GTF2H1: variants seen among roughly 807,000 people sequenced by gnomAD.
The protein encoded by GTF2H1 is BTF2 p62.
GTF2H1 carries 16 observed loss-of-function variants against 71.2 expected under a neutral mutation model. The ratio of observed to expected loss-of-function variants is 0.22; its 90% confidence interval spans 0.15 to 0.34. The LOEUF is 0.34. GTF2H1 is among the 10% of genes least tolerant of loss of function. The pLI, the probability that GTF2H1 is intolerant of heterozygous loss-of-function variation, is 1.00. For missense variants in GTF2H1, 498 were observed against 648.2 expected (o/e 0.77, Z 2.52); for synonymous variants, 215 against 219.0 (o/e 0.98, Z 0.16).
chr11:18,360,690 C>T lies in GTF2H1; in HGVS notation c.1543C>T (p.Gln515Ter). The T allele has an allele frequency of 6.4e-7, 1 of 1,557,274 alleles. No individual in the cohort carries two copies. The highest frequency in any genetic ancestry group is 8.7e-7 in the Non-Finnish European group (1 of 1,150,222). ...TCCATTCCAAGAAAAGATTCGGAGA[C>T]AGTATTTAAGCACAAATGTAAGGCA... ...LCPFQEKIRR[Q>*]YLSTNLVSHI... The change falls in exon 14 of 15, where the codon CAG becomes TAG. Residue 515 changes from glutamine to a stop codon, truncating the protein, a stop_gained. Transcript: ENST00000265963. LOFTEE classifies it high-confidence loss of function.
chr11:18,360,522 A>G, intron 13 of GTF2H1, 93 bp from the exon 14 acceptor site: 1 of 617,340 alleles, frequency 1.6e-6, no homozygotes, highest in African/African-American at 1.9e-5. Context: ...AAATTCTACA[A>G]GAAAAGTAAC....
At chr11:18,353,658 T>G (rs1240859564) in intron 11 of GTF2H1, among the ~76,000 whole-genome samples, 1 of 152,250 alleles carries the variant, frequency 6.6e-6, no homozygotes, top group Non-Finnish European at 1.5e-5. Context: ...TCCGTTTTTA[T>G]GAGCACTGAG....
intron 1 of GTF2H1, among the ~76,000 whole-genome samples, chr11:18,329,387 C>T (rs879676241): frequency 3.3e-5 from 5 of 152,204 alleles, no homozygotes; most frequent in Non-Finnish European, 7.3e-5. Context: ...CCACTGTGCT[C>T]ATGTCAGTAA....
At chr11:18,360,966 C>T (rs896655601) in intron 14 of GTF2H1, among the ~76,000 whole-genome samples, 1 of 151,852 alleles carries the variant, frequency 6.6e-6, no homozygotes, top group Admixed American at 6.6e-5. Context: ...CTGCCACGCC[C>T]AGCTAATTTT....
In GTF2H1 at chr11:18,347,868, C is replaced by T. The variant is rs1302344604; in HGVS notation, c.1002C>T (p.Asn334=). The T allele has an allele frequency of 1.2e-6, 2 of 1,613,378 alleles. No individual in the cohort carries two copies. The highest frequency in any genetic ancestry group is 3.3e-5 in the Admixed American group (2 of 59,800). Residue 334 remains asparagine, a synonymous_variant, in exon 9 of 15, where the codon AAC becomes AAT. Transcript: ENST00000265963. The part of the protein sequence containing the change: ...AQNEQTSEPS[N]MDGNSGDADC... ...ATGAACAAACTAGTGAGCCCAGCAA[C>T]ATGGATGGAAATTCCGGAGATGCAG...
Position 18,328,262 on chromosome 11 carries a change from G to A in GTF2H1, c.-15-4798G>A, listed in dbSNP as rs1345280752. 3.3e-5 allele frequency among the ~76,000 whole-genome samples: 5 copies of A among 149,556 alleles called. No homozygotes were observed. In the East Asian group the frequency reaches 7.9e-4, roughly 24 times the overall value. ...ACTGTGGCTAACGCCTGTAATCCCA[G>A]CACTTTGGGAGGCCGAGGCAGGTGG... On this transcript the variant is annotated intron_variant, in intron 1 of 14. Transcript: ENST00000265963.
intron 14 of GTF2H1, among the ~76,000 whole-genome samples, chr11:18,362,960 C>T (rs375297490): frequency 2.6e-5 from 4 of 152,016 alleles, no homozygotes; most frequent in South Asian, 2.1e-4. Context: ...TGAGCCACCA[C>T]GCCTGGTGCC....
chr11:18,339,689 A>G (rs1277510484), intron 5 of GTF2H1, 32 bp downstream of exon 5: 5 of 1,209,616 alleles, frequency 4.1e-6, no homozygotes, highest in Non-Finnish European at 4.9e-6. Context: ...AGATGGTTAA[A>G]ATATATGGAT....
At chr11:18,331,406 C>T (rs931204667) in intron 1 of GTF2H1, among the ~76,000 whole-genome samples, 2 of 152,082 alleles carry the variant, frequency 1.3e-5, no homozygotes, top group African/African-American at 4.8e-5. Flanking sequence ...GTGGCTCACA[C>T]CTGTAATCCC....
rs762580320 is a variant in GTF2H1 at position 18,357,936 on chromosome 11, T to G, written c.1261-16T>G. The G allele has an allele frequency of 6.2e-5, 93 of 1,499,198 alleles. 1 individual carries two copies. The highest frequency in any genetic ancestry group is 8.2e-5 in the Non-Finnish European group (88 of 1,077,168). The allele number at this position is 1,499,198 out of a possible 1,614,324, so 92.9% of individuals were successfully genotyped here. On this transcript the variant is annotated splice_polypyrimidine_tract_variant and intron_variant, in intron 11 of 14. Transcript: ENST00000265963. ...AGGGAGGAAAACCAGTTTTAATGCA[T>G]CTTCATTTTTTTCAGGTTCTCTCAA...
At chr11:18,333,381 C>T (rs1005935250) in intron 2 of GTF2H1, 153 bp downstream of exon 2, 3 of 540,000 alleles carry the variant, frequency 5.6e-6, no homozygotes, top group Non-Finnish European at 6.3e-6. Context: ...TGTTTTATAA[C>T]CTGACCTTTT....
intron 13 of GTF2H1, 80 bp from the exon 14 acceptor site, chr11:18,360,535 T>G: frequency 1.5e-6 from 1 of 663,688 alleles, no homozygotes; most frequent in Non-Finnish European, 2.6e-6. Context: ...AAAGTAACTT[T>G]CATATGTAGA....
Position 18,351,978 on chromosome 11 carries a change from G to T in GTF2H1, c.1142+9G>T. ...CTCAAGAAGTCAGATAGGTAAGTTT[G>T]GTCAATATTAAGCAGAATAGCTATG... On this transcript the variant is annotated intron_variant, in intron 10 of 14. Transcript: ENST00000265963. The T allele has an allele frequency of 6.9e-7, 1 of 1,456,544 alleles. No homozygotes were observed. 90.2% of individuals were successfully genotyped at this position (1,456,544 alleles called of 1,614,324 possible).
chr11:18,341,742 G>A (rs1471705338), intron 7 of GTF2H1, 135 bp downstream of exon 7: 6 of 564,262 alleles, frequency 1.1e-5, no homozygotes, highest in East Asian at 3.1e-5. Flanking sequence ...GTGATTTATC[G>A]GAAGTGCTTT....
chr11:18,366,044 A>C lies in GTF2H1; in HGVS notation c.*175A>C. The C allele has an allele frequency of 3.4e-6, 2 of 593,332 alleles. No individual in the cohort carries two copies. Among genetic ancestry groups the C allele is most frequent in the Non-Finnish European group, 6.0e-6 (2 of 332,476 alleles). The allele number at this position is 593,332 out of a possible 1,614,324, so 36.8% of individuals were successfully genotyped here. On this transcript the variant is annotated 3_prime_UTR_variant, in exon 15 of 15. Coordinates refer to ENST00000265963, the MANE Select transcript of GTF2H1 (RefSeq NM_005316.4). Reference sequence around the variant, plus strand: ...TACTTGCACATTGGAGACTGAAAGGAAAGAAGGGACTAAATGCTGGGGAGG... The same window carrying C: ...TACTTGCACATTGGAGACTGAAAGGCAAGAAGGGACTAAATGCTGGGGAGG...
intron 2 of GTF2H1, 149 bp from the exon 3 acceptor site, chr11:18,335,605 G>A: frequency 1.7e-6 from 1 of 602,504 alleles, no homozygotes; most frequent in Non-Finnish European, 3.0e-6. Context: ...GATCATTTAA[G>A]AAGAGTGCAT....
At chr11:18,327,063 C>A (rs1371319919) in intron 1 of GTF2H1, among the ~76,000 whole-genome samples, 3 of 151,830 alleles carry the variant, frequency 2.0e-5, no homozygotes, top group Non-Finnish European at 4.4e-5. Flanking sequence ...TTGGGAGGTT[C>A]TGGCAGAAGA....
rs1207816021 is a variant in GTF2H1, at chr11:18,365,822, A to G, written c.1600A>G (p.Asn534Asp). The G allele has an allele frequency of 6.2e-7, 1 of 1,613,950 alleles. No individual in the cohort carries two copies. Among genetic ancestry groups the G allele is most frequent in the East Asian group, 2.2e-5 (1 of 44,884 alleles). The part of the protein sequence containing the change: ...HIEEMLQTAY[N>D]KLHTWQSRRL... ...AGAAGAGATGCTCCAGACAGCCTACAACAAGCTCCACACATGGCAGTCACG... is the reference window on the plus strand; with the variant it reads ...AGAAGAGATGCTCCAGACAGCCTACGACAAGCTCCACACATGGCAGTCACG... Residue 534 changes from asparagine (N) to aspartate (D), a missense_variant, in exon 15 of 15, where the codon AAC becomes GAC. By Grantham distance (23) the Asn-to-Asp change is conservative (BLOSUM62 1). Around this residue, in one of 3 missense-constraint regions of GTF2H1, gnomAD observed 266 missense variants for 301.6 expected, o/e 0.88. Transcript: ENST00000265963.
Position 18,341,566 on chromosome 11 carries a change from C to T in GTF2H1, c.796C>T (p.Leu266=), listed in dbSNP as rs751577110. The change falls in exon 7 of 15, where the codon CTA becomes TTA. Residue 266 remains leucine, a synonymous_variant. Coordinates refer to ENST00000265963, the MANE Select transcript of GTF2H1 (RefSeq NM_005316.4). The stretch of plus-strand genomic sequence containing the variant: ...GGTTTCATTAGGAGTGAAAAACCCA[C>T]TACTAGATTTAACAGCTTTGGAAGA... ...TMVSLGVKNP[L]LDLTALEDKP... is the part of the protein sequence containing the mutation. 75 of 1,610,942 alleles carry T rather than the reference C, an allele frequency of 4.7e-5. No individual in the cohort carries two copies. The highest frequency in any genetic ancestry group is 5.9e-5 in the Non-Finnish European group (70 of 1,178,112).
Sources: gnomAD v4.1 joint callset for allele counts (sites outside exome capture counted in the v4.1 genomes callset) on GRCh38, gnomAD v4.1.1 for gene constraint, gnomAD v4.1.1 regional missense constraint, MANE v1.5 for transcripts, NCBI Gene and HGNC (gene_info 2026-07-23, HGNC 2026-07-21) for gene names.